ANKHD1: variants seen among roughly 807,000 people sequenced by gnomAD.
ANKHD1 encodes the protein ankyrin repeat and KH domain-containing protein 1.
Under a neutral mutation model 230.5 loss-of-function variants are expected in ANKHD1, and 31 were observed. The observed-to-expected ratio is 0.13, with a 90% CI of 0.10 to 0.18. The LOEUF (loss-of-function observed/expected upper bound fraction) is 0.18. Among genes scored for constraint, ANKHD1 ranks in the 10% least tolerant of loss-of-function variants. ANKHD1 has a pLI of 1.00. For synonymous variants in ANKHD1, 1,074 were observed against 1,117.6 expected (o/e 0.96, Z 0.78); for missense variants, 2,256 against 3,071.3 (o/e 0.73, Z 6.27).
At chr5:140,503,161 A>G (rs1435644603) in intron 15 of ANKHD1, among the ~76,000 whole-genome samples, 1 of 152,140 alleles carries the variant, frequency 6.6e-6, no homozygotes, top group Non-Finnish European at 1.5e-5. Flanking sequence ...ATTTTTCTTT[A>G]AGTCCTACGT....
intron 9 of ANKHD1, among the ~76,000 whole-genome samples, chr5:140,464,239 A>G (rs1775928830): frequency 1.3e-5 from 2 of 152,066 alleles, no homozygotes; most frequent in African/African-American, 4.8e-5. Flanking sequence ...TCAAAAAAAA[A>G]AAAAAAAACT....
intron 10 of ANKHD1, among the ~76,000 whole-genome samples, chr5:140,469,082 T>C (rs1222504121): frequency 6.6e-6 from 1 of 152,046 alleles, no homozygotes; most frequent in Non-Finnish European, 1.5e-5. Context: ...TAAACTGATT[T>C]CTTCTTTCTC....
At chr5:140,462,772 C>G (rs1775805323) in intron 9 of ANKHD1, among the ~76,000 whole-genome samples, 1 of 150,814 alleles carries the variant, frequency 6.6e-6, no homozygotes, top group Non-Finnish European at 1.5e-5. Context: ...CTTTTTTTCC[C>G]CCTTTATCTG....
intron 24 of ANKHD1, among the ~76,000 whole-genome samples, chr5:140,515,664 G>A (rs1329180209): frequency 6.6e-6 from 1 of 152,158 alleles, no homozygotes; most frequent in South Asian, 2.1e-4. Context: ...CCTAACTGGG[G>A]GGCACCCCCC....
rs1189275728 is a variant in ANKHD1 at position 140,535,375 on chromosome 5, T to C, written c.6864T>C (p.Ile2288=). 3 of 1,607,482 alleles carry C rather than the reference T, an allele frequency of 1.9e-6. No homozygotes were observed. The highest frequency in any genetic ancestry group is 2.2e-5 in the East Asian group (1 of 44,672). ...VSTSPVGLPS[I]DPSGSSPSSS... ...GTTTTATTTCAGGGTTACCATCCATTGACCCATCAGGCAGCTCCCCATCTT... is the reference window on the plus strand; with the variant it reads ...GTTTTATTTCAGGGTTACCATCCATCGACCCATCAGGCAGCTCCCCATCTT... The change falls in exon 30 of 34, where the codon ATT becomes ATC. Residue 2288 remains isoleucine (I), a synonymous_variant. Transcript: ENST00000360839.
In ANKHD1 at chr5:140,459,009, T is replaced by TC. The variant is rs1176025500; in HGVS notation, c.1480+147_1480+148insC. On this transcript the variant is annotated intron_variant, in intron 8 of 33. Transcript: ENST00000360839. ...ATATATATATATGCATATATATATA[T>TC]ATATATATATATATATATATTGCAT... 2.3e-5 allele frequency: 2 copies of TC among 86,144 alleles called. 1 individual carries two copies. Among genetic ancestry groups the TC allele is most frequent in the African/African-American group, 1.1e-4 (2 of 17,812 alleles). The allele number at this position is 86,144 out of a possible 1,614,324, so 5.3% of individuals were successfully genotyped here. A position where few individuals can be genotyped will look rare whatever the true frequency, so the allele number is the denominator to read the frequency against.
chr5:140,459,494 G>A lies in ANKHD1; in HGVS notation c.1672+139G>A, dbSNP rs900295892. 45 of 1,117,658 alleles carry A rather than the reference G, an allele frequency of 4.0e-5. No individual in the cohort carries two copies. In the African/African-American group the frequency reaches 6.4e-4, roughly 16 times the overall value. The allele number at this position is 1,117,658 out of a possible 1,614,324, so 69.2% of individuals were successfully genotyped here. On this transcript the variant is annotated intron_variant, in intron 9 of 33. Coordinates refer to ENST00000360839, the MANE Select transcript of ANKHD1 (RefSeq NM_017747.3). ...GTGTGGGCATGAGGGTGGGAGGAGA[G>A]TACACAAGGAGAGGGGAAATGTTGA...
intron 1 of ANKHD1, among the ~76,000 whole-genome samples, chr5:140,417,249 T>C (rs1444702209): frequency 2.0e-5 from 3 of 152,038 alleles, no homozygotes; most frequent in Non-Finnish European, 4.4e-5. Context: ...TATGATTAGA[T>C]ATGAGCTCAG....
chr5:140,524,154 G>A lies in ANKHD1; in HGVS notation c.4406G>A (p.Arg1469Lys), dbSNP rs1441147891. 3.8e-6 allele frequency: 6 copies of A among 1,598,906 alleles called. No individual in the cohort carries two copies. Among genetic ancestry groups the A allele is most frequent in the African/African-American group, 1.4e-5 (1 of 73,784 alleles). Residue 1469 changes from arginine to lysine, a missense_variant, in exon 25 of 34, where the codon AGG becomes AAG. Coordinates refer to ENST00000360839, the MANE Select transcript of ANKHD1 (RefSeq NM_017747.3). ...AAAAAGAAAAAAGAGGAACAGAAAAGGAAACAGGAAGAAGATGAAGAAAAC... is the reference window on the plus strand; with the variant it reads ...AAAAAGAAAAAAGAGGAACAGAAAAAGAAACAGGAAGAAGATGAAGAAAAC... ...KRKKKKEEQKRKQEEDEENKP... is the reference protein window; with the variant it reads ...KRKKKKEEQKKKQEEDEENKP...
chr5:140,502,100 G>T (rs1752334656), intron 15 of ANKHD1, among the ~76,000 whole-genome samples: 1 of 151,792 alleles, frequency 6.6e-6, no homozygotes, highest in Non-Finnish European at 1.5e-5. Flanking sequence ...GATGTTTGTG[G>T]TAGCAGTCTG....
chr5:140,402,964 CTTTTTTTTTTTTTTT>C (rs56939861), intron 1 of ANKHD1, among the ~76,000 whole-genome samples: 1 of 73,944 alleles, frequency 1.4e-5, no homozygotes, highest in Non-Finnish European at 2.7e-5. Context: ...GAAACCTCTT[CTTTTTTTTTTTTTTT>C]TTTTTTTTTT....
At chr5:140,503,613 G>A (rs968939294) in intron 15 of ANKHD1, among the ~76,000 whole-genome samples, 1 of 110,608 alleles carries the variant, frequency 9.0e-6, no homozygotes, top group Non-Finnish European at 1.7e-5. Flanking sequence ...TGTTGCCCAT[G>A]CTGGAGTGCA....
intron 29 of ANKHD1, among the ~76,000 whole-genome samples, chr5:140,534,024 G>A (rs547761291): frequency 6.6e-6 from 1 of 152,150 alleles, no homozygotes; most frequent in African/African-American, 2.4e-5. Flanking sequence ...GAAATAAGTA[G>A]GAAATGCATT....
At chr5:140,539,239 TTAATA>T in intron 33 of ANKHD1, 115 bp from the exon 34 acceptor site, 13 of 1,549,688 alleles carry the variant, frequency 8.4e-6, no homozygotes, top group Non-Finnish European at 1.1e-5. Context: ...AACACTTTAT[TTAATA>T]TATGTGTATT....
chr5:140,469,839 A>C (rs1006606769), intron 10 of ANKHD1, among the ~76,000 whole-genome samples: 1 of 151,242 alleles, frequency 6.6e-6, no homozygotes, highest in African/African-American at 2.4e-5. Context: ...TGTATATATA[A>C]TATTTAAGTG....
chr5:140,491,623 G>A (rs965662842), intron 14 of ANKHD1, among the ~76,000 whole-genome samples: 2 of 151,906 alleles, frequency 1.3e-5, no homozygotes, highest in Admixed American at 1.3e-4. Flanking sequence ...TATCCTCCAT[G>A]TTTTACCTGT....
intron 14 of ANKHD1, among the ~76,000 whole-genome samples, chr5:140,487,770 G>A (rs1581327172): frequency 6.6e-6 from 1 of 152,244 alleles, no homozygotes; most frequent in South Asian, 2.1e-4. Context: ...TTAATATGTA[G>A]GATGTTTAAA....
At chr5:140,413,038 G>A (rs980323455) in intron 1 of ANKHD1, among the ~76,000 whole-genome samples, 10 of 152,300 alleles carry the variant, frequency 6.6e-5, no homozygotes, top group African/African-American at 1.7e-4. Flanking sequence ...CTGTATGCTA[G>A]TGATTGATTC....
chr5:140,499,703 A>G (rs1239037304), intron 15 of ANKHD1, among the ~76,000 whole-genome samples: 3 of 152,256 alleles, frequency 2.0e-5, no homozygotes, highest in African/African-American at 4.8e-5. Flanking sequence ...TTGATTAGGA[A>G]CATGGTTCCT....
Sources: allele counts gnomAD v4.1 joint callset (sites outside exome capture counted in the v4.1 genomes callset), GRCh38; gene constraint gnomAD v4.1.1; transcripts MANE v1.5; gene names NCBI Gene and HGNC (gene_info 2026-07-23, HGNC 2026-07-21).